CTNND2: variants seen among roughly 807,000 people sequenced by gnomAD.
The protein encoded by CTNND2 is catenin delta 2.
A neutral mutation model predicts 144.4 loss-of-function variants in CTNND2; 22 were observed. That is an observed-to-expected ratio of 0.15 (90% confidence interval 0.11 to 0.22). The LOEUF is 0.22. CTNND2 is among the 10% of genes least tolerant of loss of function. CTNND2 has a pLI of 1.00. For synonymous variants in CTNND2, 751 were observed against 695.6 expected (o/e 1.08, Z -1.25); for missense variants, 1,353 against 1,618.8 (o/e 0.84, Z 2.82).
chr5:11,064,053 T>C (rs1395526483), intron 16 of CTNND2, among the ~76,000 whole-genome samples: 1 of 152,026 alleles, frequency 6.6e-6, no homozygotes, highest in East Asian at 1.9e-4. Context: ...ACCCAGGAGA[T>C]GCCAGCAACA....
chr5:11,671,767 A>G (rs1377726393), intron 2 of CTNND2, among the ~76,000 whole-genome samples: 3 of 151,902 alleles, frequency 2.0e-5, no homozygotes, highest in Non-Finnish European at 1.5e-5. Flanking sequence ...CACCTTCTGA[A>G]GCCTACTTCT....
intron 16 of CTNND2, among the ~76,000 whole-genome samples, chr5:11,063,184 A>G (rs1319843187): frequency 6.6e-6 from 1 of 152,196 alleles, no homozygotes; most frequent in Non-Finnish European, 1.5e-5. Flanking sequence ...TATATGAGTA[A>G]TGTTTCTCGG....
intron 11 of CTNND2, among the ~76,000 whole-genome samples, chr5:11,175,125 AT>A (rs201865021): frequency 1.8e-4 from 27 of 151,030 alleles, no homozygotes; most frequent in East Asian, 5.8e-4. Context: ...GATTGCTTCT[AT>A]TTTTTTTTAC....
At chr5:11,093,507 T>A (rs1751002783) in intron 15 of CTNND2, among the ~76,000 whole-genome samples, 1 of 152,160 alleles carries the variant, frequency 6.6e-6, no homozygotes, top group Non-Finnish European at 1.5e-5. Context: ...TTTTAAAGTT[T>A]AAAAAGTGTT....
At chr5:11,350,186 G>A (rs527257989) in intron 8 of CTNND2, among the ~76,000 whole-genome samples, 1 of 152,208 alleles carries the variant, frequency 6.6e-6, no homozygotes, top group South Asian at 2.1e-4. Context: ...CAGAGAAGAG[G>A]TGGGTTCCCC....
intron 14 of CTNND2, among the ~76,000 whole-genome samples, chr5:11,101,012 C>T (rs1334650935): frequency 6.6e-6 from 1 of 152,174 alleles, no homozygotes; most frequent in Non-Finnish European, 1.5e-5. Flanking sequence ...ACAATCCTTT[C>T]TTAATGGCTA....
intron 12 of CTNND2, among the ~76,000 whole-genome samples, chr5:11,128,788 A>AT (rs1754985186): frequency 2.7e-5 from 1 of 36,802 alleles, no homozygotes; most frequent in Non-Finnish European, 4.9e-5. Context: ...AAATATATAA[A>AT]TATATATTAT....
chr5:11,280,924 T>C (rs1747047441), intron 9 of CTNND2, among the ~76,000 whole-genome samples: 1 of 152,016 alleles, frequency 6.6e-6, no homozygotes, highest in Non-Finnish European at 1.5e-5. Flanking sequence ...GTAAGGAGTG[T>C]GGGTGGTGTA....
At chr5:11,316,331 T>C (rs908112750) in intron 9 of CTNND2, among the ~76,000 whole-genome samples, 3 of 152,120 alleles carry the variant, frequency 2.0e-5, no homozygotes, top group Admixed American at 6.6e-5. Flanking sequence ...GTTCAAACAA[T>C]TCTCGTGCCT....
intron 1 of CTNND2, among the ~76,000 whole-genome samples, chr5:11,748,110 C>T (rs1353108468): frequency 5.9e-5 from 9 of 152,046 alleles, no homozygotes; most frequent in South Asian, 2.1e-4. Context: ...ACTATAAAAC[C>T]GAGTTTCAAC....
At chr5:11,102,970 ATTTTTTTT>A (rs778134907) in intron 14 of CTNND2, among the ~76,000 whole-genome samples, 227 of 84,064 alleles carry the variant, frequency 2.7e-3, no homozygotes, top group African/African-American at 6.6e-3. Flanking sequence ...TATTTAAAAG[ATTTTTTTT>A]TTTTTTTTTT....
intron 1 of CTNND2, among the ~76,000 whole-genome samples, chr5:11,796,459 A>G (rs531228857): frequency 1.3e-3 from 202 of 152,358 alleles, no homozygotes; most frequent in Non-Finnish European, 2.4e-3. Context: ...TTTCATTTGC[A>G]GTAATATTTT....
At position 11,063,228 on chromosome 5, in the gene CTNND2, T is replaced by C. The variant is rs1219663692; in HGVS notation, c.2788+19468A>G. 2.0e-5 allele frequency among the ~76,000 whole-genome samples: 3 copies of C among 152,178 alleles called. No homozygotes were observed. The South Asian group carries it at 6.2e-4, about 32-fold the overall frequency. ...TCTATAAAAACAACAAAAAAGAGAATAAAATGAGACAACCTTGTTCAATCA... is the reference window on the plus strand; with the variant it reads ...TCTATAAAAACAACAAAAAAGAGAACAAAATGAGACAACCTTGTTCAATCA... On this transcript the variant is annotated intron_variant, in intron 16 of 21. Coordinates refer to ENST00000304623, the MANE Select transcript of CTNND2 (RefSeq NM_001332.4).
chr5:11,616,627 T>A (rs1054309359), intron 2 of CTNND2, among the ~76,000 whole-genome samples: 4 of 151,022 alleles, frequency 2.6e-5, no homozygotes, highest in Admixed American at 1.3e-4. Flanking sequence ...CTTTTTTTTT[T>A]GATGTAGTCT....
At chr5:11,277,375 T>C (rs946978215) in intron 9 of CTNND2, among the ~76,000 whole-genome samples, 1 of 151,952 alleles carries the variant, frequency 6.6e-6, no homozygotes, top group African/African-American at 2.4e-5. Context: ...TTGAACTCAC[T>C]TGTTAATTAA....
At chr5:11,703,880 T>C (rs547191109) in intron 2 of CTNND2, among the ~76,000 whole-genome samples, 1 of 152,278 alleles carries the variant, frequency 6.6e-6, no homozygotes, top group South Asian at 2.1e-4. Context: ...ACTAAAATAG[T>C]TAAGAAGGTG....
intron 1 of CTNND2, among the ~76,000 whole-genome samples, chr5:11,885,320 G>A (rs1352116073): frequency 6.6e-6 from 1 of 152,016 alleles, no homozygotes; most frequent in African/African-American, 2.4e-5. Flanking sequence ...TTCTATTACT[G>A]ATTTAATCTC....
At chr5:11,624,452 G>A (rs562662661) in intron 2 of CTNND2, among the ~76,000 whole-genome samples, 5 of 152,160 alleles carry the variant, frequency 3.3e-5, no homozygotes, top group African/African-American at 7.2e-5. Context: ...ACAAAAGAGC[G>A]CACAGAATTC....
At chr5:11,226,220 A>T (rs1561050849) in intron 10 of CTNND2, among the ~76,000 whole-genome samples, 2 of 152,094 alleles carry the variant, frequency 1.3e-5, no homozygotes, top group Admixed American at 6.5e-5. Flanking sequence ...TGCCTTAGAG[A>T]TCTAGCTCTG....
Sources: allele counts gnomAD v4.1 joint callset (sites outside exome capture counted in the v4.1 genomes callset), GRCh38; gene constraint gnomAD v4.1.1; transcripts MANE v1.5; gene names NCBI Gene and HGNC (gene_info 2026-07-23, HGNC 2026-07-21).